Variants in DNAJC27 observed in about 807,000 individuals in gnomAD.
The protein encoded by DNAJC27 is DnaJ heat shock protein family (Hsp40) member C27.
In DNAJC27, 25 loss-of-function variants were observed where a neutral mutation model predicts 31.4. The ratio of observed to expected loss-of-function variants is 0.80; its 90% confidence interval spans 0.58 to 1.11. The LOEUF (loss-of-function observed/expected upper bound fraction) is 1.11. Among genes scored for constraint, DNAJC27 ranks in the 50% most tolerant of loss-of-function variants. The pLI is 0.00. For synonymous variants in DNAJC27, 106 were observed against 112.7 expected (o/e 0.94, Z 0.37); for missense variants, 356 against 347.3 (o/e 1.02, Z -0.20).
chr2:24,953,943 G>A lies in DNAJC27; in HGVS notation c.529-2389C>T, dbSNP rs557334121. ...ACTATCGAACTGGAAAAAAACTGTT[G>A]GCAGTGGACAACAGCAAGTGCAAGA... On this transcript the variant is annotated intron_variant, in intron 5 of 6. Transcript: ENST00000264711. 1.7e-3 allele frequency among the ~76,000 whole-genome samples: 253 copies of A among 152,236 alleles called. 3 individuals carry two copies. The highest frequency in any genetic ancestry group is 1.3e-3 in the Non-Finnish European group (87 of 68,014).
intron 3 of DNAJC27, 29 bp from the exon 4 acceptor site, chr2:24,958,003 C>T (rs758848351): frequency 1.1e-5 from 18 of 1,597,708 alleles, no homozygotes; most frequent in Admixed American, 1.7e-5. Context: ...ATACACAAAA[C>T]GTAGTTTTTG....
intron 3 of DNAJC27, chr2:24,958,446 G>A (rs992564205): frequency 5.0e-5 from 11 of 218,858 alleles, no homozygotes; most frequent in Admixed American, 4.6e-4. Flanking sequence ...TCTCGGGTCT[G>A]CACACCAACT....
chr2:24,959,345 A>G (rs1233102107), intron 3 of DNAJC27, among the ~76,000 whole-genome samples: 2 of 152,060 alleles, frequency 1.3e-5, no homozygotes, highest in Admixed American at 6.6e-5. Context: ...TTCCTCCCAA[A>G]TCAGCAACAT....
At chr2:24,957,726 A>G in intron 4 of DNAJC27, 84 bp downstream of exon 4, 1 of 1,296,990 alleles carries the variant, frequency 7.7e-7, no homozygotes, top group South Asian at 1.4e-5. Context: ...ACAATAAGGA[A>G]TTTTTCTTTT....
At chr2:24,954,723 A>G (rs978156945) in intron 5 of DNAJC27, among the ~76,000 whole-genome samples, 3 of 152,152 alleles carry the variant, frequency 2.0e-5, no homozygotes, top group African/African-American at 7.2e-5. Flanking sequence ...GGATCACGAG[A>G]TCACGAGATC....
rs137937775 is a variant in DNAJC27 at position 24,962,536 on chromosome 2, G to A, written c.240+869C>T. On this transcript the variant is annotated intron_variant, in intron 3 of 6. Transcript: ENST00000264711. ...CTCCCAAAGTGCTGGGATTACAGACGTGAGCTACTGCTCCCGGCCTGAATA... is the reference window on the plus strand; with the variant it reads ...CTCCCAAAGTGCTGGGATTACAGACATGAGCTACTGCTCCCGGCCTGAATA... Among the ~76,000 whole-genome samples, 234 of 152,240 alleles carry A rather than the reference G, an allele frequency of 1.5e-3. 2 individuals are homozygous for A. In the East Asian group the frequency reaches 0.022, roughly 14 times the overall value.
chr2:24,958,006 AG>A (rs1665950217), intron 3 of DNAJC27, 32 bp from the exon 4 acceptor site: 1 of 1,597,180 alleles, frequency 6.3e-7, no homozygotes. Flanking sequence ...CACAAAACGT[AG>A]TTTTTGTGAT....
At chr2:24,956,210 T>C (rs946978707) in intron 5 of DNAJC27, among the ~76,000 whole-genome samples, 5 of 152,230 alleles carry the variant, frequency 3.3e-5, no homozygotes, top group Non-Finnish European at 7.3e-5. Context: ...CTCTTTATAG[T>C]GTAACTACTT....
chr2:24,971,999 T>G (rs1666358087), upstream of DNAJC27: 1 of 883,102 alleles, frequency 1.1e-6, no homozygotes, highest in Non-Finnish European at 1.6e-6. Context: ...GAGCCGCTGC[T>G]CTCGTCACCG....
intron 3 of DNAJC27, 48 bp downstream of exon 3, chr2:24,963,357 A>G: frequency 1.3e-6 from 2 of 1,484,564 alleles, no homozygotes; most frequent in Non-Finnish European, 1.9e-6. Context: ...TCTCTCCCCA[A>G]ACCACCAACA....
Position 24,946,778 on chromosome 2 carries a change from G to C in DNAJC27, c.*838C>G, listed in dbSNP as rs1349283025. The C allele has an allele frequency of 2.0e-5, 3 of 152,174 alleles. No homozygotes were observed. Among genetic ancestry groups the C allele is most frequent in the African/African-American group, 7.2e-5 (3 of 41,402 alleles). 9.4% of individuals were successfully genotyped at this position (152,174 alleles called of 1,614,324 possible). A position where few individuals can be genotyped will look rare whatever the true frequency, so the allele number is the denominator to read the frequency against. On this transcript the variant is annotated 3_prime_UTR_variant, in exon 7 of 7. Coordinates refer to ENST00000264711, the MANE Select transcript of DNAJC27 (RefSeq NM_016544.3). The stretch of plus-strand genomic sequence containing the variant: ...TCCTGTCTCAGCCTCCTGAGTAGCT[G>C]GGACTACAGGCGGATACTACTGCAG...
At position 24,943,926 on chromosome 2, in the gene DNAJC27, C is replaced by T. The variant is rs1341621900; in HGVS notation, c.*3690G>A. The T allele has an allele frequency of 6.6e-6, 1 of 152,442 alleles. No individual in the cohort carries two copies. The highest frequency in any genetic ancestry group is 6.5e-5 in the Admixed American group (1 of 15,280). 9.4% of individuals were successfully genotyped at this position (152,442 alleles called of 1,614,324 possible). A position where few individuals can be genotyped will look rare whatever the true frequency, so the allele number is the denominator to read the frequency against. ...CTCTATTGCACCGCCTAATATTGCA[C>T]TGCTCGTTAGACACCATCTCACTTA... On this transcript the variant is annotated 3_prime_UTR_variant, in exon 7 of 7. Transcript: ENST00000264711.
rs1665628719 is a variant in DNAJC27 at position 24,945,573 on chromosome 2, T to C, written c.*2043A>G. On this transcript the variant is annotated 3_prime_UTR_variant, in exon 7 of 7. Transcript: ENST00000264711. ...TTCATATGACTTCTACATTCTGCTG[T>C]GAGGACAGACATGTCTGAGTGCTTT... is the stretch of plus-strand genomic sequence containing the variant. 1 of 152,190 alleles carries C rather than the reference T, an allele frequency of 6.6e-6. No individual in the cohort carries two copies. Among genetic ancestry groups the C allele is most frequent in the African/African-American group, 2.4e-5 (1 of 41,434 alleles). The allele number at this position is 152,190 out of a possible 1,614,324, so 9.4% of individuals were successfully genotyped here. A position where few individuals can be genotyped will look rare whatever the true frequency, so the allele number is the denominator to read the frequency against.
chr2:24,953,521 G>T, intron 5 of DNAJC27: 1 of 234,010 alleles, frequency 4.3e-6, no homozygotes, highest in Non-Finnish European at 7.0e-6. Context: ...AATTGAACCA[G>T]CAGGAAAGCA....
At chr2:24,961,048 C>A (rs1008743683) in intron 3 of DNAJC27, among the ~76,000 whole-genome samples, 1 of 152,170 alleles carries the variant, frequency 6.6e-6, no homozygotes, top group African/African-American at 2.4e-5. Context: ...GAGGAAAAGT[C>A]GATGCCTGGC....
chr2:24,947,796 C>G, intron 6 of DNAJC27, 48 bp from the exon 7 acceptor site: 1 of 1,580,712 alleles, frequency 6.3e-7, no homozygotes, highest in Non-Finnish European at 8.6e-7. Flanking sequence ...TCAGCCCAAC[C>G]CACTGCATGT....
intron 5 of DNAJC27, among the ~76,000 whole-genome samples, chr2:24,954,546 G>A (rs977872682): frequency 6.6e-6 from 1 of 151,846 alleles, no homozygotes; most frequent in Admixed American, 6.6e-5. Context: ...TTGCTATTAG[G>A]GCAAAAAAAC....
In DNAJC27 at chr2:24,957,939, C is replaced by T; in HGVS notation, c.276G>A (p.Val92=). The part of the protein sequence containing the change: ...RNEFYKDTQG[V]ILVYDVGQKD... ...TCTGCCCAACATCATAGACCAGTAT[C>T]ACACCCTGTGTGTCCTTGTAAAACT... Residue 92 remains valine, a synonymous_variant, in exon 4 of 7, where the codon GTG becomes GTA. Transcript: ENST00000264711. The T allele has an allele frequency of 6.2e-7, 1 of 1,614,102 alleles. No individual in the cohort carries two copies. The highest frequency in any genetic ancestry group is 8.5e-7 in the Non-Finnish European group (1 of 1,179,996).
At chr2:24,968,580 G>A (rs1302891379) in intron 1 of DNAJC27, among the ~76,000 whole-genome samples, 4 of 151,712 alleles carry the variant, frequency 2.6e-5, no homozygotes, top group Non-Finnish European at 5.9e-5. Context: ...CTGACCCCGT[G>A]AACCGCCCGC....
Sources: gnomAD v4.1 joint callset for allele counts (sites outside exome capture counted in the v4.1 genomes callset) on GRCh38, gnomAD v4.1.1 for gene constraint, MANE v1.5 for transcripts, NCBI Gene and HGNC (gene_info 2026-07-23, HGNC 2026-07-21) for gene names.